Variants in KCNK1 observed in about 807,000 individuals in gnomAD.
KCNK1 encodes the protein potassium two pore domain channel subfamily K member 1, also known as potassium channel subfamily K member 1.
A neutral mutation model predicts 22.2 loss-of-function variants in KCNK1; 10 were observed. The ratio of observed to expected loss-of-function variants is 0.45; its 90% CI spans 0.28 to 0.76. The LOEUF (loss-of-function observed/expected upper bound fraction) is 0.76, where lower values mean the gene tolerates loss of function less well. Among genes scored for constraint, KCNK1 ranks in the 30% least tolerant of loss-of-function variants. The probability of loss-of-function intolerance (pLI) is 0.14; values close to 1 mark genes in which losing one functional copy is unlikely to be tolerated. For synonymous variants in KCNK1, 200 were observed against 186.4 expected (o/e 1.07, Z -0.60); for missense variants, 378 against 421.0 (o/e 0.90, Z 0.89).
intron 1 of KCNK1, among the ~76,000 whole-genome samples, chr1:233,665,424 A>G (rs984635883): frequency 6.6e-6 from 1 of 152,262 alleles, no homozygotes; most frequent in Non-Finnish European, 1.5e-5. Flanking sequence ...CTCGGTAGTC[A>G]GAGCTGCAGG....
chr1:233,615,985 A>G (rs1157545450), intron 1 of KCNK1, among the ~76,000 whole-genome samples: 4 of 152,346 alleles, frequency 2.6e-5, no homozygotes, highest in Middle Eastern at 3.4e-3. Context: ...CAGACCTGTT[A>G]TCTCACTTTC....
chr1:233,621,203 G>T (rs1217808520), intron 1 of KCNK1, among the ~76,000 whole-genome samples: 1 of 152,304 alleles, frequency 6.6e-6, no homozygotes, highest in African/African-American at 2.4e-5. Flanking sequence ...TTAAGGAGGT[G>T]ATTAAGATAA....
At chr1:233,621,397 T>C (rs1657583430) in intron 1 of KCNK1, among the ~76,000 whole-genome samples, 1 of 152,214 alleles carries the variant, frequency 6.6e-6, no homozygotes, top group South Asian at 2.1e-4. Flanking sequence ...AATATAGAGG[T>C]ACATGATAGT....
intron 2 of KCNK1, among the ~76,000 whole-genome samples, chr1:233,667,582 T>G (rs1019686149): frequency 2.6e-4 from 40 of 151,306 alleles, no homozygotes; most frequent in Non-Finnish European, 1.3e-4. Flanking sequence ...TACAAAAAAT[T>G]AGCCGGGCGT....
chr1:233,636,328 C>G lies in KCNK1; in HGVS notation c.355+21802C>G, dbSNP rs549330124. Among the ~76,000 whole-genome samples, 4 of 152,284 alleles carry G rather than the reference C, an allele frequency of 2.6e-5. 1 individual carries two copies. Among genetic ancestry groups the G allele is most frequent in the African/African-American group, 9.6e-5 (4 of 41,568 alleles). On this transcript the variant is annotated intron_variant, in intron 1 of 2. Transcript: ENST00000366621. ...CCGATCAGGGAGACCAGCTGGGAAG[C>G]TATTACTGTAATCCTCAGAGAGATC...
intron 1 of KCNK1, chr1:233,637,195 CAA>C (rs34327644): frequency 0.037 from 3,580 of 97,316 alleles, 139 homozygotes; most frequent in African/African-American, 0.13. Context: ...GACTCTGTTT[CAA>C]AAAAAAAAAA....
intron 1 of KCNK1, chr1:233,649,798 T>C (rs1658166905): frequency 2.7e-6 from 1 of 375,068 alleles, no homozygotes; most frequent in Non-Finnish European, 5.4e-6. Context: ...CTTTAACATA[T>C]GAATCTGGAA....
Position 233,666,757 on chromosome 1 carries a change from G to C in KCNK1, c.518G>C (p.Gly173Ala). ...RPVLYFHIRW[G>A]FSKQVVAIVH... The stretch of plus-strand genomic sequence containing the variant: ...GTCCTCTACTTCCACATCCGCTGGG[G>C]CTTCTCCAAGCAGGTGGTGGCCATC... Residue 173 changes from glycine to alanine, a missense_variant, in exon 2 of 3, where the codon GGC (glycine) becomes GCC (alanine). Coordinates refer to ENST00000366621, the MANE Select transcript of KCNK1 (RefSeq NM_002245.4). The C allele has an allele frequency of 6.2e-7, 1 of 1,614,212 alleles. No homozygotes were observed. The highest frequency in any genetic ancestry group is 1.1e-5 in the South Asian group (1 of 91,090).
chr1:233,648,406 C>CT (rs1658140380), intron 1 of KCNK1, among the ~76,000 whole-genome samples: 1 of 152,184 alleles, frequency 6.6e-6, no homozygotes, highest in African/African-American at 2.4e-5. Context: ...TCCTGCCATC[C>CT]TTGTTTCATC....
chr1:233,637,544 C>G (rs977936003), intron 1 of KCNK1: 1 of 152,228 alleles, frequency 6.6e-6, no homozygotes, highest in Non-Finnish European at 1.5e-5. Flanking sequence ...AGACTCTCAG[C>G]TCCTTCAAAT....
intron 1 of KCNK1, among the ~76,000 whole-genome samples, chr1:233,615,604 G>A (rs748902703): frequency 1.3e-5 from 2 of 152,122 alleles, no homozygotes; most frequent in African/African-American, 2.4e-5. Context: ...ACACTTCCTA[G>A]TTACCAGTGT....
At chr1:233,615,595 C>G (rs539222962) in intron 1 of KCNK1, among the ~76,000 whole-genome samples, 1 of 152,180 alleles carries the variant, frequency 6.6e-6, no homozygotes, top group Non-Finnish European at 1.5e-5. Flanking sequence ...CAAGGTCACA[C>G]ACTTCCTAGT....
At chr1:233,666,322 C>CA (rs1233676801) in intron 1 of KCNK1, among the ~76,000 whole-genome samples, 4 of 152,090 alleles carry the variant, frequency 2.6e-5, no homozygotes, top group African/African-American at 9.7e-5. Context: ...GTGTTTGAGC[C>CA]TGATAGTGAA....
At chr1:233,652,812 A>G (rs760418344) in intron 1 of KCNK1, among the ~76,000 whole-genome samples, 1 of 152,192 alleles carries the variant, frequency 6.6e-6, no homozygotes, top group Non-Finnish European at 1.5e-5. Flanking sequence ...GACTGTTTCT[A>G]GGCCATGCTG....
In KCNK1 at chr1:233,672,120, T is replaced by C. The variant is rs181559645; in HGVS notation, c.*590T>C. The C allele has an allele frequency of 2.6e-3, 395 of 151,360 alleles. No individual in the cohort carries two copies. The highest frequency in any genetic ancestry group is 0.01 in the Middle Eastern group (3 of 294). The allele number at this position is 151,360 out of a possible 1,614,324, so 9.4% of individuals were successfully genotyped here. ...TATGGTTTAGGTCACCAGATCCTAG[T>C]GTAGTTCTGAAACTAAGACTATAGA... On this transcript the variant is annotated 3_prime_UTR_variant, in exon 3 of 3. Transcript: ENST00000366621.
At chr1:233,640,920 G>T (rs1657989095) in intron 1 of KCNK1, among the ~76,000 whole-genome samples, 1 of 152,178 alleles carries the variant, frequency 6.6e-6, no homozygotes, top group Non-Finnish European at 1.5e-5. Flanking sequence ...GGCCAGGCTG[G>T]TCTTGAACTC....
intron 1 of KCNK1, among the ~76,000 whole-genome samples, chr1:233,654,091 G>T (rs1476857295): frequency 6.6e-6 from 1 of 151,950 alleles, no homozygotes; most frequent in Admixed American, 6.6e-5. Context: ...ATACCTAAGT[G>T]ATCATGAACA....
chr1:233,644,345 C>T (rs1454885595), intron 1 of KCNK1, among the ~76,000 whole-genome samples: 4 of 152,202 alleles, frequency 2.6e-5, no homozygotes, highest in Admixed American at 1.3e-4. Flanking sequence ...ATAGTACCTA[C>T]TAATTCATAT....
At chr1:233,639,229 C>T (rs1657963620) in intron 1 of KCNK1, among the ~76,000 whole-genome samples, 1 of 152,250 alleles carries the variant, frequency 6.6e-6, no homozygotes, top group African/African-American at 2.4e-5. Flanking sequence ...TTTTTAACCA[C>T]TCATTTGGCC....
Sources: allele counts gnomAD v4.1 joint callset (sites outside exome capture counted in the v4.1 genomes callset), GRCh38; gene constraint gnomAD v4.1.1; transcripts MANE v1.5; gene names NCBI Gene and HGNC (gene_info 2026-07-23, HGNC 2026-07-21).